The following PLPP3 variants were observed in gnomAD, a reference collection of about 807,000 sequenced individuals.
PLPP3 encodes phospholipid phosphatase 3, also known as PAP2 beta.
In PLPP3, 6 loss-of-function variants were observed where a neutral mutation model predicts 29.6. That is an observed-to-expected ratio of 0.20 (90% confidence interval 0.11 to 0.40). The LOEUF is 0.40. PLPP3 is among the 10% of genes least tolerant of loss of function. The pLI, the probability that PLPP3 is intolerant of heterozygous loss-of-function variation, is 1.00. For missense variants in PLPP3, 308 were observed against 407.7 expected, an observed-to-expected ratio of 0.76 and a Z score of 2.11; for synonymous variants, 152 against 159.7, an observed-to-expected ratio of 0.95 and a Z score of 0.36.
At chr1:56,520,982 C>G (rs1485753273) in intron 4 of PLPP3, among the ~76,000 whole-genome samples, 2 of 150,298 alleles carry the variant, frequency 1.3e-5, no homozygotes, top group Admixed American at 6.6e-5. Context: ...ATCTGTAGTC[C>G]CAGCACTTTG....
chr1:56,498,864 C>A (rs981189056), intron 5 of PLPP3, among the ~76,000 whole-genome samples: 8 of 152,256 alleles, frequency 5.3e-5, no homozygotes, highest in Non-Finnish European at 1.0e-4. Flanking sequence ...GAACTCCTGA[C>A]CTCATGATCC....
At chr1:56,560,776 C>G (rs1477327444) in intron 1 of PLPP3, among the ~76,000 whole-genome samples, 1 of 151,262 alleles carries the variant, frequency 6.6e-6, no homozygotes, top group Non-Finnish European at 1.5e-5. Context: ...GATTTCTTGT[C>G]TCCCACCTTG....
At chr1:56,508,887 G>C (rs1195307364) in intron 5 of PLPP3, among the ~76,000 whole-genome samples, 11 of 152,154 alleles carry the variant, frequency 7.2e-5, no homozygotes, top group Non-Finnish European at 1.2e-4. Context: ...CTTTGCTTCT[G>C]TCTCCCTCAC....
intron 2 of PLPP3, among the ~76,000 whole-genome samples, chr1:56,526,449 AC>A (rs1216063832): frequency 6.6e-6 from 1 of 152,184 alleles, no homozygotes; most frequent in African/African-American, 2.4e-5. Context: ...ATTCTTTCCT[AC>A]CATTCATGAT....
chr1:56,519,032 G>A (rs1438344755), intron 4 of PLPP3, among the ~76,000 whole-genome samples: 1 of 151,872 alleles, frequency 6.6e-6, no homozygotes, highest in Non-Finnish European at 1.5e-5. Context: ...TGCAGATTTC[G>A]GGGTGGGGTG....
intron 2 of PLPP3, among the ~76,000 whole-genome samples, chr1:56,531,978 T>A (rs1569885031): frequency 6.6e-6 from 1 of 152,208 alleles, no homozygotes; most frequent in South Asian, 2.1e-4. Context: ...CTAAGCATTA[T>A]GACTTCAAAT....
chr1:56,564,047 T>A (rs1165322602), intron 1 of PLPP3, among the ~76,000 whole-genome samples: 1 of 152,284 alleles, frequency 6.6e-6, no homozygotes, highest in African/African-American at 2.4e-5. Flanking sequence ...TTTCTTCATA[T>A]GCTCATTATT....
chr1:56,518,662 T>G (rs1407063435), intron 4 of PLPP3, among the ~76,000 whole-genome samples: 1 of 150,972 alleles, frequency 6.6e-6, no homozygotes, highest in East Asian at 1.9e-4. Flanking sequence ...TAGTAGTGAA[T>G]GAAGAGACCA....
chr1:56,504,714 A>G (rs1437364417), intron 5 of PLPP3, among the ~76,000 whole-genome samples: 1 of 152,138 alleles, frequency 6.6e-6, no homozygotes, highest in Non-Finnish European at 1.5e-5. Context: ...TTTGTATCTT[A>G]CAGCAAATGA....
chr1:56,511,467 C>G (rs893407592), intron 5 of PLPP3, among the ~76,000 whole-genome samples: 6 of 152,068 alleles, frequency 3.9e-5, no homozygotes, highest in Non-Finnish European at 8.8e-5. Context: ...GTGAGTCACT[C>G]CCAAGGTCAC....
intron 4 of PLPP3, chr1:56,513,849 T>C (rs924406632): frequency 3.3e-5 from 5 of 152,104 alleles, no homozygotes; most frequent in African/African-American, 1.2e-4. Context: ...ATAGAGCCTT[T>C]ATGGAATAAA....
intron 2 of PLPP3, among the ~76,000 whole-genome samples, chr1:56,532,791 A>T (rs938812700): frequency 3.3e-5 from 5 of 152,112 alleles, no homozygotes; most frequent in Non-Finnish European, 7.3e-5. Flanking sequence ...GTCTCACACT[A>T]GCAATACCAA....
At chr1:56,504,577 G>A (rs1165064177) in intron 5 of PLPP3, among the ~76,000 whole-genome samples, 1 of 152,044 alleles carries the variant, frequency 6.6e-6, no homozygotes, top group African/African-American at 2.4e-5. Flanking sequence ...ATTCATTGAG[G>A]TCACCTCTCC....
At chr1:56,528,671 G>A (rs1645868176) in intron 2 of PLPP3, among the ~76,000 whole-genome samples, 1 of 151,892 alleles carries the variant, frequency 6.6e-6, no homozygotes, top group African/African-American at 2.4e-5. Context: ...CTCCATTGAA[G>A]AGGAAAGCAA....
intron 2 of PLPP3, 28 bp downstream of exon 2, chr1:56,536,927 T>C: frequency 4.3e-6 from 7 of 1,610,498 alleles, no homozygotes; most frequent in Non-Finnish European, 5.9e-6. Context: ...TCAGACAGGA[T>C]CCACCATAGC....
At chr1:56,511,851 G>A in intron 5 of PLPP3, 125 bp downstream of exon 5, 1 of 1,149,006 alleles carries the variant, frequency 8.7e-7, no homozygotes, top group Non-Finnish European at 1.3e-6. Context: ...AAGGCCAGGT[G>A]ACTCTTCAGA....
intron 5 of PLPP3, among the ~76,000 whole-genome samples, chr1:56,501,467 ACC>A (rs1262299106): frequency 2.0e-5 from 3 of 152,030 alleles, no homozygotes; most frequent in Non-Finnish European, 4.4e-5. Context: ...ACATTTCATT[ACC>A]CCAAAATAAA....
At chr1:56,564,063 T>G (rs1646146507) in intron 1 of PLPP3, among the ~76,000 whole-genome samples, 1 of 152,246 alleles carries the variant, frequency 6.6e-6, no homozygotes. Context: ...TTATTGAAAC[T>G]AATAGTGAAA....
rs577185248 is a variant in PLPP3 at position 56,533,028 on chromosome 1, C to T, written c.297+3927G>A. Among the ~76,000 whole-genome samples, 25 of 151,714 alleles carry T rather than the reference C, an allele frequency of 1.6e-4. No individual in the cohort carries two copies. In the South Asian group the frequency reaches 5.0e-3, roughly 30 times the overall value. ...GTGCCCAGAGGAAAAGACCTGGCCC[C>T]GTCTTCCAGCAACCTATTATGTAGC... On this transcript the variant is annotated intron_variant, in intron 2 of 5. Coordinates refer to ENST00000371250, the MANE Select transcript of PLPP3 (RefSeq NM_003713.5).
Sources: gnomAD v4.1 joint callset for allele counts (sites outside exome capture counted in the v4.1 genomes callset) on GRCh38, gnomAD v4.1.1 for gene constraint, MANE v1.5 for transcripts, NCBI Gene and HGNC (gene_info 2026-07-23, HGNC 2026-07-21) for gene names.